Variants in CDH2 observed in about 807,000 individuals in gnomAD.
The protein encoded by CDH2 is cadherin 2.
A neutral mutation model predicts 92.0 loss-of-function variants in CDH2; 17 were observed. The ratio of observed to expected loss-of-function variants is 0.18; its 90% CI spans 0.13 to 0.28. CDH2 has a LOEUF of 0.28. CDH2 is among the 10% of genes least tolerant of loss of function. CDH2 has a pLI of 1.00. For synonymous variants in CDH2, 419 were observed against 415.9 expected (o/e 1.01, Z -0.09); for missense variants, 862 against 1,133.1 (o/e 0.76, Z 3.44).
intron 7 of CDH2, among the ~76,000 whole-genome samples, chr18:27,995,552 A>G (rs1292848646): frequency 1.3e-5 from 2 of 152,158 alleles, no homozygotes. Context: ...TCAAAAAGAG[A>G]GAAAAAAAGG....
intron 2 of CDH2, among the ~76,000 whole-genome samples, chr18:28,126,391 C>T (rs1030137535): frequency 1.3e-5 from 2 of 151,970 alleles, no homozygotes; most frequent in East Asian, 3.9e-4. Flanking sequence ...TGAAAAAATA[C>T]ATCATCTTCT....
chr18:28,059,908 G>C (rs2014367164), intron 2 of CDH2, among the ~76,000 whole-genome samples: 1 of 152,044 alleles, frequency 6.6e-6, no homozygotes, highest in African/African-American at 2.4e-5. Flanking sequence ...GGAAGAAACT[G>C]GATCATTTGT....
At chr18:28,116,971 C>A (rs567491169) in intron 2 of CDH2, among the ~76,000 whole-genome samples, 11 of 152,224 alleles carry the variant, frequency 7.2e-5, no homozygotes, top group African/African-American at 2.6e-4. Flanking sequence ...CACTAAGCAG[C>A]CTCATCTCCT....
chr18:28,108,250 C>A (rs923326592), intron 2 of CDH2, among the ~76,000 whole-genome samples: 2 of 152,156 alleles, frequency 1.3e-5, no homozygotes, highest in African/African-American at 4.8e-5. Context: ...TTCCAAAGAT[C>A]TGAAAAAGTG....
At chr18:28,147,275 T>C (rs898573254) in intron 2 of CDH2, among the ~76,000 whole-genome samples, 1 of 152,080 alleles carries the variant, frequency 6.6e-6, no homozygotes, top group Non-Finnish European at 1.5e-5. Context: ...TAAAATATTA[T>C]AATAATTTCC....
chr18:28,036,466 T>C (rs781205125), intron 2 of CDH2: 6 of 1,473,332 alleles, frequency 4.1e-6, no homozygotes, highest in East Asian at 2.3e-5. Context: ...GCAATTTTTG[T>C]TACCTGAAAG....
chr18:28,177,057 A>AGGCGGCGGCGGAGGCGGCGGCGGCGGC lies in CDH2; in HGVS notation c.-36_-35insGCCGCCGCCGCCGCCTCCGCCGCCGCC. 7.7e-7 allele frequency: 1 copy of AGGCGGCGGCGGAGGCGGCGGCGGCGGC among 1,302,322 alleles called. No individual in the cohort carries two copies. The highest frequency in any genetic ancestry group is 1.0e-6 in the Non-Finnish European group (1 of 962,322). The allele number at this position is 1,302,322 out of a possible 1,614,324, so 80.7% of individuals were successfully genotyped here. On this transcript the variant is annotated 5_prime_UTR_variant, in exon 1 of 16. Coordinates refer to ENST00000269141, the MANE Select transcript of CDH2 (RefSeq NM_001792.5). Reference sequence around the variant, plus strand: ...GAGGGGCCGAGCGAAGAGCCGGAGGAGGCGGCGGCGGCGGCGGCGGCGGCG... The same window carrying AGGCGGCGGCGGAGGCGGCGGCGGCGGC: ...GAGGGGCCGAGCGAAGAGCCGGAGGAGGCGGCGGCGGAGGCGGCGGCGGCGGCGGCGGCGGCGGCGGCGGCGGCGGCG...
chr18:27,945,137 A>G (rs529929732), intron 6 of CDH2, among the ~76,000 whole-genome samples: 1 of 152,028 alleles, frequency 6.6e-6, no homozygotes, highest in Non-Finnish European at 1.5e-5. Context: ...TTAGGCTAAG[A>G]AGCAGAAAAA....
intron 2 of CDH2, among the ~76,000 whole-genome samples, chr18:28,117,031 A>G (rs2015506622): frequency 6.6e-6 from 1 of 152,150 alleles, no homozygotes; most frequent in African/African-American, 2.4e-5. Flanking sequence ...CTCACAAATT[A>G]CAATGTATTT....
downstream of CDH2, among the ~76,000 whole-genome samples, chr18:27,947,777 GTA>G (rs67493707): frequency 0.046 from 128 of 2,780 alleles, 2 homozygotes; most frequent in Middle Eastern, 0.5. Flanking sequence ...TGTGATATAA[GTA>G]TATGTGATAT....
intron 2 of CDH2, among the ~76,000 whole-genome samples, chr18:28,071,627 T>G (rs963439936): frequency 6.6e-6 from 1 of 152,188 alleles, no homozygotes; most frequent in African/African-American, 2.4e-5. Context: ...AACAAACCAC[T>G]GGCATTCTGA....
chr18:27,998,031 C>T (rs2012642891), intron 7 of CDH2, among the ~76,000 whole-genome samples: 1 of 152,124 alleles, frequency 6.6e-6, no homozygotes, highest in South Asian at 2.1e-4. Flanking sequence ...TGGTCTCCAT[C>T]TCCTGACCTC....
chr18:28,001,910 G>T (rs962382800), intron 7 of CDH2, among the ~76,000 whole-genome samples: 5 of 152,196 alleles, frequency 3.3e-5, no homozygotes, highest in African/African-American at 1.2e-4. Flanking sequence ...CCTTGTCAAT[G>T]ATATTTTATT....
intron 6 of CDH2, among the ~76,000 whole-genome samples, chr18:27,938,062 G>A (rs1308435896): frequency 6.6e-6 from 1 of 151,880 alleles, no homozygotes; most frequent in Admixed American, 6.6e-5. Context: ...TGCTGTCCTC[G>A]CGATAGTGAG....
At chr18:28,031,094 C>T (rs1057045433) in intron 2 of CDH2, among the ~76,000 whole-genome samples, 4 of 151,238 alleles carry the variant, frequency 2.6e-5, no homozygotes, top group African/African-American at 4.9e-5. Context: ...TAGTATCCTA[C>T]ATCTAACTGC....
intron 2 of CDH2, among the ~76,000 whole-genome samples, chr18:28,019,273 T>C (rs1051068743): frequency 8.6e-5 from 13 of 151,204 alleles, no homozygotes; most frequent in African/African-American, 3.2e-4. Flanking sequence ...ACACCACCTG[T>C]TCCCCCAAAA....
intron 9 of CDH2, among the ~76,000 whole-genome samples, chr18:27,991,447 CA>C (rs1285029861): frequency 6.6e-6 from 1 of 152,028 alleles, no homozygotes; most frequent in African/African-American, 2.4e-5. Context: ...GAAAAAAAGC[CA>C]GAAAGTTAAG....
At chr18:28,087,808 A>G (rs1567993446) in intron 2 of CDH2, among the ~76,000 whole-genome samples, 4 of 152,092 alleles carry the variant, frequency 2.6e-5, no homozygotes, top group African/African-American at 7.2e-5. Flanking sequence ...ACAAAACAAA[A>G]CAAAACAAAA....
chr18:27,971,415 T>C (rs994768160), intron 14 of CDH2, among the ~76,000 whole-genome samples: 1 of 151,250 alleles, frequency 6.6e-6, no homozygotes, highest in Non-Finnish European at 1.5e-5. Context: ...AAACGAAATA[T>C]AGAAAATTTG....
Sources: allele counts gnomAD v4.1 joint callset (sites outside exome capture counted in the v4.1 genomes callset), GRCh38; gene constraint gnomAD v4.1.1; transcripts MANE v1.5; gene names NCBI Gene and HGNC (gene_info 2026-07-23, HGNC 2026-07-21).